STPG1: variants seen among roughly 807,000 people sequenced by gnomAD.
STPG1 encodes the protein sperm tail PG-rich repeat containing 1, also known as O(6)-methylguanine-induced apoptosis 2.
Under a neutral mutation model 40.1 loss-of-function variants are expected in STPG1, and 33 were observed. That is an observed-to-expected ratio of 0.82 (90% CI 0.62 to 1.10). STPG1 has a LOEUF of 1.10. Ranked by LOEUF, STPG1 falls within the 50% of genes least tolerant of loss-of-function variation. STPG1 has a pLI of 0.00. For missense variants in STPG1, 396 were observed against 415.1 expected, an observed-to-expected ratio of 0.95 and a Z score of 0.40; for synonymous variants, 150 against 155.0, an observed-to-expected ratio of 0.97 and a Z score of 0.24.
chr1:24,400,383 G>C (rs1643176265), intron 2 of STPG1, among the ~76,000 whole-genome samples: 2 of 152,200 alleles, frequency 1.3e-5, no homozygotes, highest in South Asian at 4.1e-4. Flanking sequence ...TCTGAGAAGG[G>C]ACAAGGGCTT....
intron 4 of STPG1, among the ~76,000 whole-genome samples, chr1:24,380,693 G>A (rs1642244567): frequency 6.6e-6 from 1 of 152,174 alleles, no homozygotes; most frequent in African/African-American, 2.4e-5. Flanking sequence ...CTCAGCGTCT[G>A]GTTTATGGAC....
At chr1:24,362,607 G>A (rs1000677860) in intron 7 of STPG1, among the ~76,000 whole-genome samples, 1 of 152,222 alleles carries the variant, frequency 6.6e-6, no homozygotes, top group African/African-American at 2.4e-5. Flanking sequence ...CTCAATAAAG[G>A]TAGTTGTTAT....
chr1:24,360,086 A>G (rs1455029949), intron 8 of STPG1, among the ~76,000 whole-genome samples: 1 of 152,198 alleles, frequency 6.6e-6, no homozygotes, highest in Non-Finnish European at 1.5e-5. Flanking sequence ...CCTGCTCTCC[A>G]GGGCTTCCTC....
chr1:24,382,194 A>G (rs1240292620), intron 4 of STPG1, among the ~76,000 whole-genome samples: 2 of 152,176 alleles, frequency 1.3e-5, no homozygotes, highest in African/African-American at 2.4e-5. Flanking sequence ...AAGTTACCGC[A>G]CGCAAAGCCT....
At chr1:24,382,836 G>C (rs1220306081) in intron 4 of STPG1, among the ~76,000 whole-genome samples, 1 of 150,848 alleles carries the variant, frequency 6.6e-6, no homozygotes, top group Non-Finnish European at 1.5e-5. Context: ...ATCTGTGCAA[G>C]AAATTATTAT....
At position 24,406,470 on chromosome 1, in the gene STPG1, T is replaced by C. The variant is rs545751928; in HGVS notation, c.-68-5014A>G. Among the ~76,000 whole-genome samples, 7 of 152,294 alleles carry C rather than the reference T, an allele frequency of 4.6e-5. No homozygotes were observed. The East Asian group carries it at 1.3e-3, about 29-fold the overall frequency. Reference sequence around the variant, plus strand: ...TATCATTTTCAGTGCTTTTCAATTCTTTGTGTAAATTCAAGATTCTTTCTA... The same window carrying C: ...TATCATTTTCAGTGCTTTTCAATTCCTTGTGTAAATTCAAGATTCTTTCTA... On this transcript the variant is annotated intron_variant, in intron 1 of 8. Coordinates refer to ENST00000337248, the MANE Select transcript of STPG1 (RefSeq NM_001199013.2).
At chr1:24,387,593 C>T (rs558438886) in intron 3 of STPG1, among the ~76,000 whole-genome samples, 1 of 152,324 alleles carries the variant, frequency 6.6e-6, no homozygotes, top group South Asian at 2.1e-4. Flanking sequence ...CTACTTCACC[C>T]TCTTTTCATC....
intron 5 of STPG1, among the ~76,000 whole-genome samples, chr1:24,374,906 G>A (rs1352937198): frequency 1.3e-5 from 2 of 152,164 alleles, no homozygotes; most frequent in African/African-American, 2.4e-5. Flanking sequence ...GATTACAGGC[G>A]TGAGCCACTG....
intron 5 of STPG1, 126 bp downstream of exon 5, chr1:24,379,527 A>C: frequency 9.7e-7 from 1 of 1,032,818 alleles, no homozygotes; most frequent in Non-Finnish European, 1.5e-6. Flanking sequence ...CCCATTGGGT[A>C]GTCAACAAAT....
At chr1:24,364,549 T>C in intron 7 of STPG1, 1 of 1,103,742 alleles carries the variant, frequency 9.1e-7, no homozygotes, top group Non-Finnish European at 1.2e-6. Context: ...TTCCTCAGCT[T>C]TGAGGCCCCT....
At chr1:24,362,354 C>T (rs1641177231) in intron 7 of STPG1, among the ~76,000 whole-genome samples, 1 of 152,172 alleles carries the variant, frequency 6.6e-6, no homozygotes, top group Non-Finnish European at 1.5e-5. Flanking sequence ...GTGTTTGGCA[C>T]CTAGCAATAT....
chr1:24,385,787 C>T lies in STPG1; in HGVS notation c.190-1784G>A, dbSNP rs549156136. Among the ~76,000 whole-genome samples the T allele has an allele frequency of 2.0e-5, 3 of 152,352 alleles. No homozygotes were observed. In the South Asian group the frequency reaches 6.2e-4, roughly 32 times the overall value. On this transcript the variant is annotated intron_variant, in intron 3 of 8. Transcript: ENST00000337248. ...GGTTATGAATCAGAAATTGTAGTCT[C>T]AGTGCTGCCACACGCTAAGTGATCT... is the stretch of plus-strand genomic sequence containing the variant.
chr1:24,410,522 T>G (rs928657735), intron 1 of STPG1, among the ~76,000 whole-genome samples: 5 of 152,154 alleles, frequency 3.3e-5, no homozygotes, highest in African/African-American at 1.2e-4. Context: ...TGCAGGAGAA[T>G]CGCTTGAACC....
Position 24,401,358 on chromosome 1 carries a change from T to C in STPG1, c.31A>G (p.Thr11Ala), listed in dbSNP as rs1321076798. MDNSAQKNER[T>A]GKHPRRASEV... ...CTGGCACGTCTGGGATGTTTGCCAGTGCGTTCATTTTTCTGTGCAGAGTTG... is the reference window on the plus strand; with the variant it reads ...CTGGCACGTCTGGGATGTTTGCCAGCGCGTTCATTTTTCTGTGCAGAGTTG... Residue 11 changes from threonine to alanine, a missense_variant, in exon 2 of 9, where the codon ACT becomes GCT. Thr to Ala is a moderately conservative substitution (Grantham distance 58). Coordinates refer to ENST00000337248, the MANE Select transcript of STPG1 (RefSeq NM_001199013.2). 1.9e-6 allele frequency: 3 copies of C among 1,613,996 alleles called. No individual in the cohort carries two copies. The highest frequency in any genetic ancestry group is 2.2e-5 in the East Asian group (1 of 44,900).
At chr1:24,395,982 C>A (rs372612690) in intron 2 of STPG1, among the ~76,000 whole-genome samples, 7 of 145,948 alleles carry the variant, frequency 4.8e-5, no homozygotes, top group Admixed American at 6.8e-5. Context: ...GGCTCCATCT[C>A]AAAAAAAAAA....
intron 7 of STPG1, chr1:24,369,079 G>T (rs1483007518): frequency 2.4e-5 from 6 of 253,806 alleles, no homozygotes. Context: ...TGAGGGCATG[G>T]AGGCTCAGAG....
chr1:24,401,263 T>C, intron 2 of STPG1, 56 bp downstream of exon 2: 1 of 1,547,236 alleles, frequency 6.5e-7, no homozygotes, highest in Non-Finnish European at 8.9e-7. Context: ...TTTGCTCTTA[T>C]GTACTAAAAT....
At chr1:24,370,888 T>C (rs920725048) in intron 6 of STPG1, among the ~76,000 whole-genome samples, 3 of 151,950 alleles carry the variant, frequency 2.0e-5, no homozygotes, top group African/African-American at 7.3e-5. Flanking sequence ...CCCAAAGTGC[T>C]AGGACTACAG....
At chr1:24,372,082 GCAGGAGAAT>G (rs1233108989) in intron 6 of STPG1, among the ~76,000 whole-genome samples, 2 of 152,332 alleles carry the variant, frequency 1.3e-5, no homozygotes, top group East Asian at 3.9e-4. Flanking sequence ...GGAGGCTGAG[GCAGGAGAAT>G]CACTTGAACC....
Sources: gnomAD v4.1 joint callset for allele counts (sites outside exome capture counted in the v4.1 genomes callset) on GRCh38, gnomAD v4.1.1 for gene constraint, MANE v1.5 for transcripts, NCBI Gene and HGNC (gene_info 2026-07-23, HGNC 2026-07-21) for gene names.